Variants in AKR7A3 observed in about 807,000 individuals in gnomAD.
AKR7A3 encodes AFB1 aldehyde reductase 2.
A neutral mutation model predicts 32.5 loss-of-function variants in AKR7A3; 37 were observed. The observed-to-expected ratio is 1.14, with a 90% CI of 0.88 to 1.50. The LOEUF (loss-of-function observed/expected upper bound fraction) is 1.50, where lower values mean the gene tolerates loss of function less well. Ranked by LOEUF, AKR7A3 falls within the 40% of genes most tolerant of loss-of-function variation. The pLI is 0.00. For missense variants in AKR7A3, 412 were observed against 453.2 expected, an observed-to-expected ratio of 0.91 and a Z score of 0.83; for synonymous variants, 177 against 188.4, an observed-to-expected ratio of 0.94 and a Z score of 0.50.
At chr1:19,279,470 G>A (rs2093715755), downstream of AKR7A3, among the ~76,000 whole-genome samples, 1 of 151,750 alleles carries the variant, frequency 6.6e-6, no homozygotes, top group African/African-American at 2.4e-5. Flanking sequence ...GAATCCTATG[G>A]TAATTTTATG....
chr1:19,274,510 A>G, the AKR7A3 span, among the ~76,000 whole-genome samples: 1 of 151,434 alleles, frequency 6.6e-6, no homozygotes. Flanking sequence ...GGACCTAAGT[A>G]AGGGCTGTCC....
chr1:19,277,496 G>A, the AKR7A3 span, among the ~76,000 whole-genome samples: 1 of 151,378 alleles, frequency 6.6e-6, no homozygotes, highest in African/African-American at 2.4e-5. Flanking sequence ...TATAAAAGAA[G>A]AAATATCTCA....
chr1:19,284,821 G>C (rs1260842966), intron 4 of AKR7A3, 36 bp from the exon 5 acceptor site: 2 of 1,607,994 alleles, frequency 1.2e-6, no homozygotes, highest in South Asian at 2.2e-5. Context: ...GGGGCCTAGA[G>C]TGCCCCAGAA....
At chr1:19,275,066 T>C in the AKR7A3 span, among the ~76,000 whole-genome samples, 3 of 151,746 alleles carry the variant, frequency 2.0e-5, no homozygotes, top group East Asian at 5.8e-4. Context: ...AACACAAGTA[T>C]ATAGTAAATA....
At position 19,285,918 on chromosome 1, in the gene AKR7A3, G is replaced by A. The variant is rs144038063; in HGVS notation, c.477C>T (p.Ser159=). 5.0e-5 allele frequency: 81 copies of A among 1,613,592 alleles called. No homozygotes were observed. The highest frequency in any genetic ancestry group is 6.9e-5 in the Non-Finnish European group (81 of 1,179,888). ...ACACAGTGGGCAGGATCCAGCCGTT[G>A]CTCTTGCAGAGGGTACAGATCTCGG... is the stretch of plus-strand genomic sequence containing the variant. ...EVAEICTLCK[S]NGWILPTVYQ... Residue 159 remains serine (S), a synonymous_variant, in exon 3 of 7, where the codon AGC becomes AGT. Coordinates refer to ENST00000361640, the MANE Select transcript of AKR7A3 (RefSeq NM_012067.3).
chr1:19,288,371 G>T, intron 1 of AKR7A3, 125 bp downstream of exon 1: 3 of 1,225,864 alleles, frequency 2.4e-6, no homozygotes, highest in Non-Finnish European at 3.3e-6. Context: ...GTGAACAGGG[G>T]TGGGGGCGGT....
chr1:19,285,239 C>G, intron 3 of AKR7A3, 125 bp from the exon 4 acceptor site: 1 of 868,268 alleles, frequency 1.2e-6, no homozygotes, highest in African/African-American at 1.7e-5. Flanking sequence ...TGGGCGTATA[C>G]TTATTCTAAC....
rs1339184832 is a variant in AKR7A3, at chr1:19,286,321, T to A, written c.266A>T (p.Asp89Val). ...CGTCTCCAGCTGGAACCGGAGACTG[T>A]CAGGCTTCAGGGAGTTCCCAAACAG... ...IPLFGNSLKP[D>V]SLRFQLETSL... is the part of the protein sequence containing the mutation. Residue 89 changes from aspartate (D) to valine (V), a missense_variant, in exon 2 of 7, where the codon GAC (aspartate) becomes GTC (valine). By Grantham distance (152) the Asp-to-Val change is radical (BLOSUM62 -3). Transcript: ENST00000361640. 2 of 1,613,772 alleles carry A rather than the reference T, an allele frequency of 1.2e-6. No individual in the cohort carries two copies. Among genetic ancestry groups the A allele is most frequent in the African/African-American group, 2.7e-5 (2 of 74,640 alleles).
At position 19,285,013 on chromosome 1, in the gene AKR7A3, C is replaced by G. The variant is rs372930558; in HGVS notation, c.604+5G>C. ...CTGAGACAGGGCCAGGAATGCTCCA[C>G]GTACCAGCCAGAGGGTTGAAGGCAT... is the stretch of plus-strand genomic sequence containing the variant. On this transcript the variant is annotated splice_donor_5th_base_variant and intron_variant, in intron 4 of 6. Transcript: ENST00000361640. 1 of 1,612,356 alleles carries G rather than the reference C, an allele frequency of 6.2e-7. No individual in the cohort carries two copies. Among genetic ancestry groups the G allele is most frequent in the African/African-American group, 1.3e-5 (1 of 74,712 alleles).
chr1:19,274,915 A>AAAAAAAAAAAAAAAAAAAAAAAAAG, the AKR7A3 span, among the ~76,000 whole-genome samples: 1 of 146,408 alleles, frequency 6.8e-6, no homozygotes, highest in Non-Finnish European at 1.5e-5. Flanking sequence ...AAAAAAAAAA[A>AAAAAAAAAAAAAAAAAAAAAAAAAG]GACCAATAGA....
At position 19,282,712 on chromosome 1, in the gene AKR7A3, A is replaced by T. The variant is rs1443117085; in HGVS notation, c.*19T>A. 4.3e-6 allele frequency: 7 copies of T among 1,613,784 alleles called. No homozygotes were observed. The highest frequency in any genetic ancestry group is 5.9e-6 in the Non-Finnish European group (7 of 1,180,062). On this transcript the variant is annotated 3_prime_UTR_variant, in exon 7 of 7. Coordinates refer to ENST00000361640, the MANE Select transcript of AKR7A3 (RefSeq NM_012067.3). ...AAGATGTTACAGAAGAGCCTTGGGCAGCCTGAGAAACGATGGGCCTAGCGG... is the reference window on the plus strand; with the variant it reads ...AAGATGTTACAGAAGAGCCTTGGGCTGCCTGAGAAACGATGGGCCTAGCGG...
intron 6 of AKR7A3, 21 bp downstream of exon 6, chr1:19,283,975 G>A (rs1227323663): frequency 1.2e-6 from 2 of 1,612,648 alleles, no homozygotes; most frequent in East Asian, 2.2e-5. Context: ...AAGAAGCTGA[G>A]CGCACAGGGT....
At chr1:19,284,967 C>T (rs1558131535) in intron 4 of AKR7A3, 51 bp downstream of exon 4, 2 of 1,610,094 alleles carry the variant, frequency 1.2e-6, no homozygotes, top group Non-Finnish European at 1.7e-6. Context: ...CTGGGCTGGG[C>T]ATCTGTGGGT....
rs373508687 is a variant in AKR7A3 at position 19,284,242 on chromosome 1, C to T, written c.705-117G>A. Reference sequence around the variant, plus strand: ...TGCAGCCCTGAGGGGCAGGTGTTCTCTCTAGCCATGGGTCTCCCACTTTGC... The same window carrying T: ...TGCAGCCCTGAGGGGCAGGTGTTCTTTCTAGCCATGGGTCTCCCACTTTGC... On this transcript the variant is annotated intron_variant, in intron 5 of 6. Coordinates refer to ENST00000361640, the MANE Select transcript of AKR7A3 (RefSeq NM_012067.3). 2.1e-4 allele frequency: 291 copies of T among 1,401,670 alleles called. 2 individuals are homozygous for T. In the East Asian group the frequency reaches 6.2e-3, roughly 30 times the overall value. 86.8% of individuals were successfully genotyped at this position (1,401,670 alleles called of 1,614,324 possible). A position where few individuals can be genotyped will look rare whatever the true frequency, so the allele number is the denominator to read the frequency against.
chr1:19,284,751 G>T lies in AKR7A3; in HGVS notation c.639C>A (p.Asp213Glu). 6.2e-7 allele frequency: 1 copy of T among 1,613,838 alleles called. No homozygotes were observed. Among genetic ancestry groups the T allele is most frequent in the Non-Finnish European group, 8.5e-7 (1 of 1,180,002 alleles). The change falls in exon 5 of 7, where the codon GAC (aspartate) becomes GAA (glutamate). Residue 213 changes from aspartate to glutamate, a missense_variant. Transcript: ENST00000361640. ...GGCCCACGGGCTGTTTCCCATTCTT[G>T]TCCTCATACTTGTACTTGCCGGTCA... ...GLLTGKYKYE[D>E]KNGKQPVGRF...
chr1:19,284,261 A>G lies in AKR7A3; in HGVS notation c.705-136T>C, dbSNP rs764287638. ...TGTTCTCTCTAGCCATGGGTCTCCC[A>G]CTTTGCTGGGCAAGAGAACCACTCA... On this transcript the variant is annotated intron_variant, in intron 5 of 6. Coordinates refer to ENST00000361640, the MANE Select transcript of AKR7A3 (RefSeq NM_012067.3). 1.4e-4 allele frequency: 174 copies of G among 1,287,900 alleles called. 1 individual carries two copies. Among genetic ancestry groups the G allele is most frequent in the Non-Finnish European group, 1.8e-4 (168 of 956,128 alleles). The allele number at this position is 1,287,900 out of a possible 1,614,324, so 79.8% of individuals were successfully genotyped here.
intron 3 of AKR7A3, 146 bp from the exon 4 acceptor site, chr1:19,285,260 G>T: frequency 1.3e-6 from 1 of 780,098 alleles, no homozygotes; most frequent in Non-Finnish European, 2.1e-6. Flanking sequence ...TGGTGCTGGT[G>T]AAAGAAGCTT....
intron 5 of AKR7A3, 33 bp from the exon 6 acceptor site, chr1:19,284,158 G>A (rs1447659302): frequency 1.3e-6 from 2 of 1,586,276 alleles, no homozygotes; most frequent in East Asian, 2.2e-5. Flanking sequence ...CAGGTGTCAG[G>A]GCCACATTGG....
At chr1:19,280,589 G>C (rs139232609), downstream of AKR7A3, among the ~76,000 whole-genome samples, 4,262 of 145,396 alleles carry the variant, frequency 0.029, 74 homozygotes, top group South Asian at 0.056. Context: ...TTTCTTTTTT[G>C]AGACAGAGTC....
Sources: gnomAD v4.1 joint callset for allele counts (sites outside exome capture counted in the v4.1 genomes callset) on GRCh38, gnomAD v4.1.1 for gene constraint, MANE v1.5 for transcripts, NCBI Gene and HGNC (gene_info 2026-07-23, HGNC 2026-07-21) for gene names.